Variants in DMTF1 observed in about 807,000 individuals in gnomAD.
DMTF1 encodes the protein cyclin-D-binding Myb-like transcription factor 1.
Under a neutral mutation model 91.1 loss-of-function variants are expected in DMTF1, and 39 were observed. That is an observed-to-expected ratio of 0.43 (90% CI 0.33 to 0.56). DMTF1 has a LOEUF of 0.56. Among genes scored for constraint, DMTF1 ranks in the 20% least tolerant of loss-of-function variants. The pLI is 0.05. For missense variants in DMTF1, 750 were observed against 914.5 expected (o/e 0.82, Z 2.32); for synonymous variants, 338 against 309.5 (o/e 1.09, Z -0.97).
chr7:87,186,851 C>CT (rs1235566028), intron 12 of DMTF1: 1 of 152,112 alleles, frequency 6.6e-6, no homozygotes, highest in Non-Finnish European at 1.5e-5. Context: ...TATCCCCATC[C>CT]TTAAGTGATT....
In DMTF1 at chr7:87,195,299, C is replaced by A; in HGVS notation, c.*159C>A. 1 of 561,096 alleles carries A rather than the reference C, an allele frequency of 1.8e-6. No homozygotes were observed. Among genetic ancestry groups the A allele is most frequent in the East Asian group, 2.9e-5 (1 of 34,204 alleles). The allele number at this position is 561,096 out of a possible 1,614,324, so 34.8% of individuals were successfully genotyped here. A position where few individuals can be genotyped will look rare whatever the true frequency, so the allele number is the denominator to read the frequency against. On this transcript the variant is annotated 3_prime_UTR_variant, in exon 18 of 18. Transcript: ENST00000331242. ...TTGTTGCTGCTATGACTTTTTACCT[C>A]CTTTAAACACATCATCTGAGGTTGA...
intron 12 of DMTF1, chr7:87,186,522 T>C (rs1798477174): frequency 6.5e-6 from 1 of 152,966 alleles, no homozygotes; most frequent in African/African-American, 2.4e-5. Context: ...GTGCTGGGAT[T>C]ACCTGCATGA....
chr7:87,165,095 G>A, intron 3 of DMTF1, 45 bp downstream of exon 3: 1 of 1,431,178 alleles, frequency 7.0e-7, no homozygotes, highest in Non-Finnish European at 9.7e-7. Context: ...CTGAATTTAT[G>A]AATTCCATGT....
chr7:87,180,980 C>G (rs1470886024), intron 8 of DMTF1, among the ~76,000 whole-genome samples: 1 of 151,036 alleles, frequency 6.6e-6, no homozygotes, highest in Non-Finnish European at 1.5e-5. Flanking sequence ...CTCAGCCACT[C>G]TAGTAGCTGG....
At chr7:87,158,254 A>G (rs986602579) in intron 1 of DMTF1, among the ~76,000 whole-genome samples, 19 of 152,074 alleles carry the variant, frequency 1.2e-4, no homozygotes, top group Admixed American at 1.1e-3. Context: ...TGTACTTGGT[A>G]AAGATGCCAC....
intron 16 of DMTF1, 25 bp from the exon 17 acceptor site, chr7:87,194,659 A>G (rs540815090): frequency 1.4e-5 from 21 of 1,545,742 alleles, no homozygotes; most frequent in South Asian, 9.1e-5. Flanking sequence ...ATATGAGTCA[A>G]TATTTTTTTT....
At chr7:87,178,714 C>T (rs1796747456) in intron 7 of DMTF1, among the ~76,000 whole-genome samples, 1 of 151,376 alleles carries the variant, frequency 6.6e-6, no homozygotes, top group Non-Finnish European at 1.5e-5. Flanking sequence ...AACTGTCCTT[C>T]TCTGGTTTCA....
intron 12 of DMTF1, chr7:87,187,710 G>C: frequency 4.6e-6 from 1 of 215,676 alleles, no homozygotes; most frequent in Non-Finnish European, 9.3e-6. Context: ...CCCTGGCGGG[G>C]AAAACATACA....
At chr7:87,190,870 C>T (rs947765180) in intron 13 of DMTF1, 75 bp from the exon 14 acceptor site, 4 of 1,249,134 alleles carry the variant, frequency 3.2e-6, no homozygotes, top group African/African-American at 3.1e-5. Context: ...TAATTGAGTA[C>T]ACTAGAGAAA....
chr7:87,169,799 C>T (rs1472972447), intron 4 of DMTF1, among the ~76,000 whole-genome samples: 1 of 152,190 alleles, frequency 6.6e-6, no homozygotes, highest in African/African-American at 2.4e-5. Flanking sequence ...CTGTCCATTT[C>T]TTCTTAGTCT....
At chr7:87,154,558 A>G (rs1790181810) in intron 1 of DMTF1, 1 of 152,614 alleles carries the variant, frequency 6.6e-6, no homozygotes, top group Non-Finnish European at 1.5e-5. Flanking sequence ...TCTTTCTTAG[A>G]ACTTTAAGTT....
chr7:87,173,476 C>A, intron 5 of DMTF1, 59 bp from the exon 6 acceptor site: 1 of 1,114,738 alleles, frequency 9.0e-7, no homozygotes, highest in Non-Finnish European at 1.3e-6. Flanking sequence ...AGCATTAAAT[C>A]AAGCTGCCAT....
At chr7:87,168,414 G>A (rs1433967000) in intron 4 of DMTF1, among the ~76,000 whole-genome samples, 5 of 152,060 alleles carry the variant, frequency 3.3e-5, no homozygotes, top group African/African-American at 9.7e-5. Flanking sequence ...CAGACTTTCT[G>A]TTTTCCTACC....
intron 16 of DMTF1, 121 bp downstream of exon 16, chr7:87,194,223 CAA>C (rs758556229): frequency 8.9e-7 from 1 of 1,122,804 alleles, no homozygotes; most frequent in Non-Finnish European, 1.2e-6. Context: ...TCACACCTCA[CAA>C]AGTGTTGTCA....
At chr7:87,182,497 T>C (rs1329970212) in intron 10 of DMTF1, among the ~76,000 whole-genome samples, 160 bp downstream of exon 10, 1 of 152,166 alleles carries the variant, frequency 6.6e-6, no homozygotes, top group African/African-American at 2.4e-5. Flanking sequence ...ATTAGATATA[T>C]CAAACTAATC....
intron 10 of DMTF1, among the ~76,000 whole-genome samples, chr7:87,182,553 A>G (rs1187542309): frequency 6.6e-6 from 1 of 152,240 alleles, no homozygotes; most frequent in African/African-American, 2.4e-5. Context: ...CAGGGACACA[A>G]CATCACCTTA....
intron 1 of DMTF1, chr7:87,154,305 G>A (rs1052461065): frequency 1.8e-4 from 27 of 152,302 alleles, no homozygotes; most frequent in African/African-American, 5.8e-4. Context: ...TCATGATTGT[G>A]GTGATTTTTA....
chr7:87,188,126 C>G lies in DMTF1; in HGVS notation c.1236C>G (p.Asn412Lys), dbSNP rs143496736. The G allele has an allele frequency of 3.6e-5, 58 of 1,613,738 alleles. No individual in the cohort carries two copies. The East Asian group carries it at 1.3e-3, about 36-fold the overall frequency. ...LIKGLKQLHE[N>K]QKNNPTLLEN... ...AAGGTCTTAAACAGTTACATGAGAA[C>G]CAAAAAAACAACCCAACGCTTTTGG... is the stretch of plus-strand genomic sequence containing the variant. Residue 412 changes from asparagine to lysine, a missense_variant, in exon 13 of 18, where the codon AAC becomes AAG. Transcript: ENST00000331242.
At chr7:87,168,769 G>A (rs1473302566) in intron 4 of DMTF1, among the ~76,000 whole-genome samples, 1 of 152,084 alleles carries the variant, frequency 6.6e-6, no homozygotes, top group East Asian at 1.9e-4. Flanking sequence ...ACCTGAAGTG[G>A]GCTCATAATG....
Sources: allele counts gnomAD v4.1 joint callset (sites outside exome capture counted in the v4.1 genomes callset), GRCh38; gene constraint gnomAD v4.1.1; transcripts MANE v1.5; gene names NCBI Gene and HGNC (gene_info 2026-07-23, HGNC 2026-07-21).